Variants in OTUD7A observed in about 807,000 individuals in gnomAD.
OTUD7A encodes the protein OTU domain-containing protein 7A.
A neutral mutation model predicts 65.7 loss-of-function variants in OTUD7A; 12 were observed. The ratio of observed to expected loss-of-function variants is 0.18; its 90% CI spans 0.12 to 0.30. The LOEUF (loss-of-function observed/expected upper bound fraction) is 0.30, where lower values mean the gene tolerates loss of function less well. Among genes scored for constraint, OTUD7A ranks in the 10% least tolerant of loss-of-function variants. OTUD7A has a pLI of 1.00. For synonymous variants in OTUD7A, 641 were observed against 586.3 expected (o/e 1.09, Z -1.35); for missense variants, 1,148 against 1,304.8 (o/e 0.88, Z 1.85).
intron 1 of OTUD7A, chr15:31,767,162 TG>T: frequency 7.7e-7 from 1 of 1,302,812 alleles, no homozygotes; most frequent in Non-Finnish European, 1.1e-6. Context: ...GGCACTCAGT[TG>T]ATTTGAAGGA....
intron 3 of OTUD7A, among the ~76,000 whole-genome samples, chr15:31,596,716 T>A (rs1018629676): frequency 1.3e-5 from 2 of 152,220 alleles, no homozygotes; most frequent in Non-Finnish European, 2.9e-5. Flanking sequence ...TAATTTCTAT[T>A]TGCCTGATGA....
chr15:31,758,241 TCA>T (rs145396893), intron 1 of OTUD7A, among the ~76,000 whole-genome samples: 12 of 150,128 alleles, frequency 8.0e-5, no homozygotes, highest in Admixed American at 1.3e-4. Flanking sequence ...AACATGTCTG[TCA>T]CACACACACA....
At chr15:31,826,988 A>G (rs558407530) in intron 1 of OTUD7A, among the ~76,000 whole-genome samples, 110 of 152,338 alleles carry the variant, frequency 7.2e-4, no homozygotes, top group African/African-American at 2.6e-3. Context: ...GCCATTCAAC[A>G]AGTCTCTAGG....
chr15:31,551,137 G>T (rs968476034), intron 5 of OTUD7A, among the ~76,000 whole-genome samples: 1 of 152,178 alleles, frequency 6.6e-6, no homozygotes, highest in African/African-American at 2.4e-5. Context: ...TCCTAGGGCT[G>T]TACATCAGAC....
At chr15:31,780,753 A>G (rs903583581) in intron 1 of OTUD7A, among the ~76,000 whole-genome samples, 2 of 152,242 alleles carry the variant, frequency 1.3e-5, no homozygotes, top group African/African-American at 2.4e-5. Flanking sequence ...GCCTCTGAGT[A>G]TTCCATCAAC....
intron 1 of OTUD7A, among the ~76,000 whole-genome samples, chr15:31,754,736 C>T (rs544664648): frequency 6.6e-6 from 1 of 152,212 alleles, no homozygotes; most frequent in South Asian, 2.1e-4. Flanking sequence ...TATAACAGTA[C>T]CATGCTGTTT....
intron 4 of OTUD7A, among the ~76,000 whole-genome samples, chr15:31,559,445 G>T (rs566730948): frequency 6.6e-6 from 1 of 152,080 alleles, no homozygotes; most frequent in African/African-American, 2.4e-5. Context: ...ACACTTATAA[G>T]CAGAGATATA....
chr15:31,495,895 G>A (rs868594056), intron 10 of OTUD7A, among the ~76,000 whole-genome samples: 30 of 151,990 alleles, frequency 2.0e-4, no homozygotes, highest in Middle Eastern at 3.4e-3. Flanking sequence ...GAGAAACACC[G>A]TCTGTACCAA....
At chr15:31,830,097 G>A (rs984057733) in intron 1 of OTUD7A, among the ~76,000 whole-genome samples, 5 of 152,146 alleles carry the variant, frequency 3.3e-5, no homozygotes, top group South Asian at 2.1e-4. Flanking sequence ...CTGCTTGCTC[G>A]AGTCCAAGCA....
intron 1 of OTUD7A, among the ~76,000 whole-genome samples, chr15:31,824,714 G>A (rs1896759962): frequency 6.6e-6 from 1 of 152,132 alleles, no homozygotes; most frequent in African/African-American, 2.4e-5. Flanking sequence ...CTATTTGCAA[G>A]GTTTACATCA....
chr15:31,714,788 C>G (rs1343909935), intron 1 of OTUD7A, among the ~76,000 whole-genome samples: 2 of 152,156 alleles, frequency 1.3e-5, no homozygotes, highest in African/African-American at 4.8e-5. Context: ...ATGAGCAAAC[C>G]ACAGTCTGCC....
chr15:31,716,311 TG>T (rs1555410162), intron 1 of OTUD7A, among the ~76,000 whole-genome samples: 1 of 282 alleles, frequency 3.5e-3, no homozygotes, highest in Non-Finnish European at 0.083. Context: ...TATGTAATAT[TG>T]ATTAATATAT....
At chr15:31,826,206 T>A (rs1896794180) in intron 1 of OTUD7A, among the ~76,000 whole-genome samples, 1 of 152,232 alleles carries the variant, frequency 6.6e-6, no homozygotes, top group South Asian at 2.1e-4. Flanking sequence ...AAGTTCTCCA[T>A]GACAGCCCTG....
At chr15:31,588,687 A>G (rs1314360365) in intron 3 of OTUD7A, among the ~76,000 whole-genome samples, 1 of 152,214 alleles carries the variant, frequency 6.6e-6, no homozygotes, top group East Asian at 1.9e-4. Flanking sequence ...GGTGGAGTCC[A>G]GGCCTCTGAT....
intron 4 of OTUD7A, among the ~76,000 whole-genome samples, chr15:31,561,977 G>C (rs1438452998): frequency 6.6e-6 from 1 of 152,170 alleles, no homozygotes. Context: ...CACTGACAAA[G>C]GGGAGATGTA....
intron 3 of OTUD7A, among the ~76,000 whole-genome samples, chr15:31,604,609 A>T (rs1890183871): frequency 6.6e-6 from 1 of 152,252 alleles, no homozygotes; most frequent in African/African-American, 2.4e-5. Context: ...TAACAAAAAA[A>T]GAAAGAAAAC....
At chr15:31,757,486 C>A (rs1894848365) in intron 1 of OTUD7A, among the ~76,000 whole-genome samples, 1 of 151,892 alleles carries the variant, frequency 6.6e-6, no homozygotes, top group African/African-American at 2.4e-5. Context: ...GTCAAGAGGA[C>A]AACTGCAATA....
chr15:31,798,223 C>T (rs1484190224), intron 1 of OTUD7A, among the ~76,000 whole-genome samples: 3 of 152,114 alleles, frequency 2.0e-5, no homozygotes, highest in African/African-American at 7.2e-5. Context: ...GTGGGGGTCC[C>T]AATTTAGTCC....
rs901018680 is a variant in OTUD7A at position 31,479,364 on chromosome 15, G to A, written c.*3930C>T. 22 of 152,114 alleles carry A rather than the reference G, an allele frequency of 1.4e-4. No homozygotes were observed. Among genetic ancestry groups the A allele is most frequent in the African/African-American group, 5.3e-4 (22 of 41,400 alleles). 9.4% of individuals were successfully genotyped at this position (152,114 alleles called of 1,614,324 possible). A position where few individuals can be genotyped will look rare whatever the true frequency, so the allele number is the denominator to read the frequency against. The stretch of plus-strand genomic sequence containing the variant: ...GAGGAAAGAAAAAGGACAGAACACT[G>A]GGGGTACTTAATTTTAAAGTCCACA... On this transcript the variant is annotated 3_prime_UTR_variant, in exon 13 of 13. Transcript: ENST00000307050.
Sources: allele counts gnomAD v4.1 joint callset (sites outside exome capture counted in the v4.1 genomes callset), GRCh38; gene constraint gnomAD v4.1.1; transcripts MANE v1.5; gene names NCBI Gene and HGNC (gene_info 2026-07-23, HGNC 2026-07-21).